The following BCKDHB variants were observed in gnomAD, a reference collection of about 807,000 sequenced individuals.
BCKDHB encodes 2-oxoisovalerate dehydrogenase subunit beta, mitochondrial.
BCKDHB carries 41 observed loss-of-function variants against 48.5 expected under a neutral mutation model. The ratio of observed to expected loss-of-function variants is 0.85; its 90% CI spans 0.66 to 1.10. The LOEUF is 1.10. Among genes scored for constraint, BCKDHB ranks in the 50% least tolerant of loss-of-function variants. BCKDHB has a pLI of 0.00. For missense variants in BCKDHB, 496 were observed against 494.2 expected (o/e 1.00, Z -0.03); for synonymous variants, 201 against 174.8 (o/e 1.15, Z -1.18).
At chr6:80,347,273 A>G (rs1453669123), downstream of BCKDHB, among the ~76,000 whole-genome samples, 1 of 152,220 alleles carries the variant, frequency 6.6e-6, no homozygotes, top group African/African-American at 2.4e-5. Context: ...CAGCATAGGA[A>G]GGGAAAAGAT....
At chr6:80,180,515 A>G (rs1233014052) in intron 6 of BCKDHB, among the ~76,000 whole-genome samples, 1 of 152,232 alleles carries the variant, frequency 6.6e-6, no homozygotes, top group Non-Finnish European at 1.5e-5. Context: ...CATCAGTGAT[A>G]TTGAATTAAA....
intron 8 of BCKDHB, among the ~76,000 whole-genome samples, chr6:80,248,177 T>C (rs1191088073): frequency 6.6e-6 from 1 of 152,206 alleles, no homozygotes; most frequent in Admixed American, 6.5e-5. Context: ...GCTTGATTTT[T>C]AATTGAAGCA....
At chr6:80,135,387 T>C (rs1190699959) in intron 3 of BCKDHB, among the ~76,000 whole-genome samples, 1 of 152,124 alleles carries the variant, frequency 6.6e-6, no homozygotes, top group East Asian at 1.9e-4. Context: ...TATACATATT[T>C]ATGACATACA....
chr6:80,435,858 C>A, the BCKDHB span, among the ~76,000 whole-genome samples: 1 of 152,088 alleles, frequency 6.6e-6, no homozygotes, highest in Non-Finnish European at 1.5e-5. Context: ...GTGGTAAAAA[C>A]CCGTCTCTAC....
At chr6:80,371,004 C>G in the BCKDHB span, among the ~76,000 whole-genome samples, 1 of 152,134 alleles carries the variant, frequency 6.6e-6, no homozygotes, top group African/African-American at 2.4e-5. Flanking sequence ...GGTAGATACC[C>G]AGGAGTGGGA....
the BCKDHB span, among the ~76,000 whole-genome samples, chr6:80,442,298 T>G: frequency 1.3e-5 from 2 of 152,202 alleles, no homozygotes; most frequent in Non-Finnish European, 2.9e-5. Context: ...TCAAAACTTC[T>G]GAAACACTTT....
At chr6:80,350,067 C>G (rs182406149), downstream of BCKDHB, among the ~76,000 whole-genome samples, 919 of 151,838 alleles carry the variant, frequency 6.1e-3, 9 homozygotes, top group African/African-American at 0.021. Flanking sequence ...TGTAAAAGCA[C>G]CATGTTTTCT....
At chr6:80,340,818 C>T (rs768413862) in intron 9 of BCKDHB, among the ~76,000 whole-genome samples, 9 of 151,806 alleles carry the variant, frequency 5.9e-5, no homozygotes, top group Admixed American at 4.6e-4. Flanking sequence ...TACGTACGTA[C>T]GTACATGTAT....
At chr6:80,240,939 T>G (rs1056441177) in intron 8 of BCKDHB, among the ~76,000 whole-genome samples, 1 of 152,140 alleles carries the variant, frequency 6.6e-6, no homozygotes, top group Non-Finnish European at 1.5e-5. Flanking sequence ...CTTAGAGGCT[T>G]TTTTCGTTTC....
chr6:80,200,569 C>T (rs1774342273), intron 6 of BCKDHB, among the ~76,000 whole-genome samples: 1 of 152,158 alleles, frequency 6.6e-6, no homozygotes, highest in Admixed American at 6.5e-5. Flanking sequence ...AGATACCACA[C>T]ACAGGGTTTG....
Position 80,168,894 on chromosome 6 carries a change from A to C in BCKDHB, c.497A>C (p.Lys166Thr), listed in dbSNP as rs1402705633. 6.2e-7 allele frequency: 1 copy of C among 1,614,076 alleles called. No homozygotes were observed. Among genetic ancestry groups the C allele is most frequent in the African/African-American group, 1.3e-5 (1 of 75,026 alleles). ...CCTCAGATTGTTAATGAAGCTGCCA[A>C]GTATCGCTATCGCTCTGGGGATCTT... Reference protein sequence around the residue: ...AFDQIVNEAAKYRYRSGDLFN... With the variant: ...AFDQIVNEAATYRYRSGDLFN... The change falls in exon 5 of 10, where the codon AAG becomes ACG. Residue 166 changes from lysine to threonine, a missense_variant. By Grantham distance (78) the Lys-to-Thr change is moderately conservative. Coordinates refer to ENST00000320393, the MANE Select transcript of BCKDHB (RefSeq NM_183050.4).
At chr6:80,453,419 G>A in the BCKDHB span, among the ~76,000 whole-genome samples, 1 of 152,222 alleles carries the variant, frequency 6.6e-6, no homozygotes, top group South Asian at 2.1e-4. Context: ...TCTGCCCAAG[G>A]GGAAAAATTA....
chr6:80,289,842 G>A (rs1266474267), intron 9 of BCKDHB, among the ~76,000 whole-genome samples: 2 of 152,176 alleles, frequency 1.3e-5, no homozygotes, highest in Non-Finnish European at 1.5e-5. Flanking sequence ...CAGCCATAGA[G>A]CTGCTCTGTG....
intron 9 of BCKDHB, among the ~76,000 whole-genome samples, chr6:80,331,193 C>T (rs146322782): frequency 6.6e-6 from 1 of 152,034 alleles, no homozygotes; most frequent in Non-Finnish European, 1.5e-5. Context: ...GGCAACCCAC[C>T]CAGTTGAGAG....
the BCKDHB span, among the ~76,000 whole-genome samples, chr6:80,427,635 T>G: frequency 6.6e-6 from 1 of 152,226 alleles, no homozygotes; most frequent in African/African-American, 2.4e-5. Flanking sequence ...TGTGCCTGAC[T>G]GATGACAATA....
the BCKDHB span, among the ~76,000 whole-genome samples, chr6:80,427,303 A>C: frequency 3.9e-5 from 6 of 151,986 alleles, no homozygotes; most frequent in African/African-American, 1.4e-4. Context: ...AACTTACTCT[A>C]GTCTATCTTC....
the BCKDHB span, among the ~76,000 whole-genome samples, chr6:80,435,939 G>A: frequency 2.0e-5 from 3 of 152,090 alleles, no homozygotes; most frequent in African/African-American, 7.2e-5. Context: ...AGGCTGAGGT[G>A]GGAGAATCGC....
At chr6:80,341,276 A>G (rs1009063635) in intron 9 of BCKDHB, among the ~76,000 whole-genome samples, 1 of 152,230 alleles carries the variant, frequency 6.6e-6, no homozygotes, top group Non-Finnish European at 1.5e-5. Flanking sequence ...TATGTAACAT[A>G]ACACAGGAAC....
At position 80,193,589 on chromosome 6, in the gene BCKDHB, G is replaced by A. The variant is rs548307683; in HGVS notation, c.743-7345G>A. Among the ~76,000 whole-genome samples the A allele has an allele frequency of 5.0e-4, 76 of 152,016 alleles. No homozygotes were observed. In the Middle Eastern group the frequency reaches 0.014, roughly 27 times the overall value. On this transcript the variant is annotated intron_variant, in intron 6 of 9. Transcript: ENST00000320393. ...AAAAAAACTAGCTGGGTGTGGTGGC[G>A]GGCACCTGTAATCCCAGCTACTCAG...
Sources: allele counts gnomAD v4.1 joint callset (sites outside exome capture counted in the v4.1 genomes callset), GRCh38; gene constraint gnomAD v4.1.1; transcripts MANE v1.5; gene names NCBI Gene and HGNC (gene_info 2026-07-23, HGNC 2026-07-21).